PKHD1: variants seen among roughly 807,000 people sequenced by gnomAD.
PKHD1 encodes PKHD1 ciliary IPT domain containing fibrocystin/polyductin, also known as fibrocystin.
A neutral mutation model predicts 412.0 loss-of-function variants in PKHD1; 291 were observed. The observed-to-expected ratio is 0.71, with a 90% CI of 0.64 to 0.78. PKHD1 has a LOEUF of 0.78. Ranked by LOEUF, PKHD1 falls within the 30% of genes least tolerant of loss-of-function variation. The probability of loss-of-function intolerance (pLI) is 0.00; values close to 1 mark genes in which losing one functional copy is unlikely to be tolerated. For synonymous variants in PKHD1, 1,777 were observed against 1,821.5 expected (o/e 0.98, Z 0.62); for missense variants, 4,825 against 4,950.7 (o/e 0.97, Z 0.76).
At chr6:51,627,344 T>A (rs1211221813) in intron 65 of PKHD1, among the ~76,000 whole-genome samples, 1 of 152,158 alleles carries the variant, frequency 6.6e-6, no homozygotes, top group Non-Finnish European at 1.5e-5. Context: ...CAGACACATG[T>A]GGCTACTGAT....
intron 35 of PKHD1, among the ~76,000 whole-genome samples, chr6:51,971,082 C>A (rs1793604684): frequency 6.6e-6 from 1 of 152,208 alleles, no homozygotes; most frequent in South Asian, 2.1e-4. Context: ...GTGTCATCCA[C>A]AATTTCTTTC....
intron 43 of PKHD1, among the ~76,000 whole-genome samples, chr6:51,889,152 C>A (rs1047525187): frequency 5.9e-5 from 9 of 151,878 alleles, no homozygotes; most frequent in Admixed American, 3.9e-4. Flanking sequence ...CTGGCTGGTG[C>A]GAGACAAGGA....
chr6:51,851,092 G>A (rs1449019770), intron 49 of PKHD1, among the ~76,000 whole-genome samples: 1 of 152,118 alleles, frequency 6.6e-6, no homozygotes, highest in African/African-American at 2.4e-5. Flanking sequence ...CTTACTGAGA[G>A]CTTTTAACAT....
In PKHD1 at chr6:51,959,904, A is replaced by G; in HGVS notation, c.5874T>C (p.Thr1958=). The G allele has an allele frequency of 1.2e-6, 2 of 1,613,468 alleles. No homozygotes were observed. Among genetic ancestry groups the G allele is most frequent in the Non-Finnish European group, 1.7e-6 (2 of 1,179,518 alleles). The change falls in exon 36 of 67, where the codon ACT becomes ACC. Residue 1958 remains threonine (T), a synonymous_variant. Coordinates refer to ENST00000371117, the MANE Select transcript of PKHD1 (RefSeq NM_138694.4). ...VENGQLLLLD[T]NTSILNLLHI... is the part of the protein sequence containing the mutation. Reference sequence around the variant, plus strand: ...GCAGTAAGTTGAGGATGCTTGTGTTAGTGTCCAGCAGAAGCAATTGGCCAT... The same window carrying G: ...GCAGTAAGTTGAGGATGCTTGTGTTGGTGTCCAGCAGAAGCAATTGGCCAT...
intron 65 of PKHD1, among the ~76,000 whole-genome samples, chr6:51,630,105 G>A (rs1366033117): frequency 6.6e-6 from 1 of 152,088 alleles, no homozygotes; most frequent in Non-Finnish European, 1.5e-5. Context: ...ATGGATAAAA[G>A]CTCCATTCAA....
intron 50 of PKHD1, among the ~76,000 whole-genome samples, chr6:51,840,216 T>C (rs1769932707): frequency 6.6e-6 from 1 of 152,098 alleles, no homozygotes; most frequent in Admixed American, 6.5e-5. Context: ...CCTTGGCAGC[T>C]AAAGCTTGAT....
At chr6:51,734,683 A>G (rs1330373041) in intron 60 of PKHD1, among the ~76,000 whole-genome samples, 1 of 152,160 alleles carries the variant, frequency 6.6e-6, no homozygotes, top group Non-Finnish European at 1.5e-5. Flanking sequence ...TGATCAGATC[A>G]AAAACTGCAG....
At chr6:51,726,824 A>G (rs1782632043) in intron 60 of PKHD1, among the ~76,000 whole-genome samples, 1 of 152,214 alleles carries the variant, frequency 6.6e-6, no homozygotes, top group African/African-American at 2.4e-5. Flanking sequence ...GGTGTGCTGA[A>G]TAATAGCCTC....
intron 60 of PKHD1, among the ~76,000 whole-genome samples, chr6:51,664,371 G>A (rs1417285918): frequency 1.3e-5 from 2 of 152,200 alleles, no homozygotes; most frequent in East Asian, 1.9e-4. Flanking sequence ...CAGGGTTGGA[G>A]CCCGAGAGGG....
At chr6:51,913,278 A>G (rs17669233) in intron 37 of PKHD1, among the ~76,000 whole-genome samples, 10,633 of 152,160 alleles carry the variant, frequency 0.07, 502 homozygotes, top group Non-Finnish European at 0.11. Context: ...TGATCCCTTC[A>G]AACTCTAAAA....
At chr6:51,663,240 C>A (rs1176547738) in intron 60 of PKHD1, among the ~76,000 whole-genome samples, 1 of 152,070 alleles carries the variant, frequency 6.6e-6, no homozygotes, top group South Asian at 2.1e-4. Flanking sequence ...CCTTTTTACA[C>A]ATTTTTTTCA....
At chr6:51,643,835 C>T (rs779731880) in intron 63 of PKHD1, among the ~76,000 whole-genome samples, 7 of 151,702 alleles carry the variant, frequency 4.6e-5, no homozygotes, top group Non-Finnish European at 1.0e-4. Context: ...TCCTGATGCT[C>T]TCCTTCCCCC....
intron 49 of PKHD1, among the ~76,000 whole-genome samples, chr6:51,851,544 T>C (rs1772250651): frequency 6.6e-6 from 1 of 151,340 alleles, no homozygotes; most frequent in South Asian, 2.1e-4. Flanking sequence ...TTTTTGGTTG[T>C]AGGCTATTAA....
At chr6:51,806,770 T>C (rs1004763803) in intron 52 of PKHD1, among the ~76,000 whole-genome samples, 1 of 151,818 alleles carries the variant, frequency 6.6e-6, no homozygotes, top group African/African-American at 2.4e-5. Flanking sequence ...GGAAATGTCA[T>C]ATAGAGAGGG....
intron 29 of PKHD1, among the ~76,000 whole-genome samples, chr6:52,031,934 A>G (rs1468200299): frequency 1.3e-5 from 2 of 152,192 alleles, no homozygotes; most frequent in East Asian, 1.9e-4. Context: ...CTTCCTTGGC[A>G]CTGATATAAT....
At chr6:51,805,956 C>T (rs1264247350) in intron 52 of PKHD1, among the ~76,000 whole-genome samples, 2 of 151,372 alleles carry the variant, frequency 1.3e-5, no homozygotes, top group African/African-American at 4.9e-5. Flanking sequence ...CATACGTGTG[C>T]ATGTGTCTGT....
chr6:52,054,848 A>G (rs1397651357), intron 19 of PKHD1, among the ~76,000 whole-genome samples: 1 of 152,170 alleles, frequency 6.6e-6, no homozygotes, highest in African/African-American at 2.4e-5. Context: ...TGCAGAAGAG[A>G]TGAGGCTGAA....
chr6:51,693,130 G>A (rs1267709193), intron 60 of PKHD1, among the ~76,000 whole-genome samples: 1 of 152,112 alleles, frequency 6.6e-6, no homozygotes, highest in African/African-American at 2.4e-5. Context: ...CTGCACAAGT[G>A]CACATTCATA....
intron 34 of PKHD1, among the ~76,000 whole-genome samples, chr6:52,015,636 A>G (rs907518195): frequency 1.3e-5 from 2 of 152,196 alleles, no homozygotes; most frequent in African/African-American, 4.8e-5. Context: ...CATCCTGGCT[A>G]ACACAGTGAA....
Sources: gnomAD v4.1 joint callset for allele counts (sites outside exome capture counted in the v4.1 genomes callset) on GRCh38, gnomAD v4.1.1 for gene constraint, MANE v1.5 for transcripts, NCBI Gene and HGNC (gene_info 2026-07-23, HGNC 2026-07-21) for gene names.